The following RNF181 variants were observed in gnomAD, a reference collection of about 807,000 sequenced individuals.
The protein encoded by RNF181 is E3 ubiquitin-protein ligase RNF181.
In RNF181, 25 loss-of-function variants were observed where a neutral mutation model predicts 23.3. That is an observed-to-expected ratio of 1.07 (90% CI 0.78 to 1.50). RNF181 has a LOEUF of 1.50. Among genes scored for constraint, RNF181 ranks in the 40% most tolerant of loss-of-function variants. The pLI is 0.00. For synonymous variants in RNF181, 62 were observed against 70.9 expected, an observed-to-expected ratio of 0.87 and a Z score of 0.63; for missense variants, 167 against 191.1, an observed-to-expected ratio of 0.87 and a Z score of 0.74.
chr2:85,596,152 GT>G (rs990386574), intron 1 of RNF181, among the ~76,000 whole-genome samples: 1 of 152,004 alleles, frequency 6.6e-6, no homozygotes, highest in Non-Finnish European at 1.5e-5. Context: ...TGGGGGCGGG[GT>G]TGGGGCCGTG....
Position 85,595,772 on chromosome 2 carries a change from C to T in RNF181, c.9C>T (p.Ser3=), listed in dbSNP as rs745317948. 3 of 1,613,838 alleles carry T rather than the reference C, an allele frequency of 1.9e-6. No homozygotes were observed. The highest frequency in any genetic ancestry group is 2.5e-6 in the Non-Finnish European group (3 of 1,179,950). MA[S]YFDEHDCEPS... is the part of the protein sequence containing the mutation. ...CAGAAGGCTGGGCAGCCATGGCGTC[C>T]TATTTCGATGAACACGACTGCGAGC... Residue 3 remains serine (S), a synonymous_variant, in exon 1 of 5, where the codon TCC becomes TCT. Coordinates refer to ENST00000306368, the MANE Select transcript of RNF181 (RefSeq NM_016494.4).
intron 3 of RNF181, 75 bp from the exon 4 acceptor site, chr2:85,597,029 G>A (rs1672688464): frequency 6.2e-7 from 1 of 1,614,002 alleles, no homozygotes; most frequent in Admixed American, 1.7e-5. Flanking sequence ...AAGAGTGGCA[G>A]TTGGGAGCAG....
intron 4 of RNF181, 65 bp downstream of exon 4, chr2:85,597,243 C>A: frequency 6.9e-7 from 1 of 1,449,826 alleles, no homozygotes; most frequent in Non-Finnish European, 9.5e-7. Flanking sequence ...CCGCTGCCAT[C>A]ACTTCCCACC....
chr2:85,597,503 G>T lies in RNF181; in HGVS notation c.461G>T (p.Ter154LeuextTer5). Reference protein sequence around the residue: ...LENLHGAMYT* With the variant: ...LENLHGAMYTL ...AACCTCCATGGAGCCATGTACACGTGAGGAGGTTGGGGCTGAGTGCTGGCC... is the reference window on the plus strand; with the variant it reads ...AACCTCCATGGAGCCATGTACACGTTAGGAGGTTGGGGCTGAGTGCTGGCC... Residue 154 changes from the stop codon to leucine (L), a stop_lost, in exon 5 of 5, where the codon TGA becomes TTA. Transcript: ENST00000306368. 6.2e-7 allele frequency: 1 copy of T among 1,613,726 alleles called. No individual in the cohort carries two copies. The highest frequency in any genetic ancestry group is 8.5e-7 in the Non-Finnish European group (1 of 1,179,890).
chr2:85,597,244 A>G, intron 4 of RNF181, 66 bp downstream of exon 4: 2 of 1,453,464 alleles, frequency 1.4e-6, no homozygotes, highest in Admixed American at 3.7e-5. Flanking sequence ...CGCTGCCATC[A>G]CTTCCCACCT....
intron 4 of RNF181, 93 bp from the exon 5 acceptor site, chr2:85,597,352 C>A: frequency 6.7e-7 from 1 of 1,493,568 alleles, no homozygotes; most frequent in Non-Finnish European, 9.0e-7. Context: ...CGCCAGAGGC[C>A]TGAAAACAGA....
At chr2:85,596,064 A>G (rs1672666886) in intron 1 of RNF181, among the ~76,000 whole-genome samples, 1 of 151,944 alleles carries the variant, frequency 6.6e-6, no homozygotes, top group Non-Finnish European at 1.5e-5. Context: ...GGATTGCGGG[A>G]AAGATTGGAG....
chr2:85,596,389 A>G, intron 1 of RNF181, 130 bp from the exon 2 acceptor site: 1 of 901,222 alleles, frequency 1.1e-6, no homozygotes. Flanking sequence ...TCTAGTGAGC[A>G]TCTACTAACT....
At chr2:85,596,751 T>G (rs1431112400) in intron 2 of RNF181, 71 bp from the exon 3 acceptor site, 1 of 1,609,522 alleles carries the variant, frequency 6.2e-7, no homozygotes, top group East Asian at 2.2e-5. Flanking sequence ...TGGGGGCAAG[T>G]GTCCTTCAGG....
chr2:85,596,192 C>T (rs1169138073), intron 1 of RNF181, among the ~76,000 whole-genome samples: 1 of 152,086 alleles, frequency 6.6e-6, no homozygotes, highest in Non-Finnish European at 1.5e-5. Context: ...TCATCAGTAA[C>T]AGCAGGCACT....
intron 3 of RNF181, 39 bp from the exon 4 acceptor site, chr2:85,597,065 G>C (rs747001756): frequency 1.2e-6 from 2 of 1,614,196 alleles, no homozygotes; most frequent in South Asian, 2.2e-5. Flanking sequence ...AGCTTATGAA[G>C]ATCAGACCAA....
chr2:85,596,232 T>A (rs889142630), intron 1 of RNF181, among the ~76,000 whole-genome samples: 1 of 152,012 alleles, frequency 6.6e-6, no homozygotes, highest in Admixed American at 6.5e-5. Flanking sequence ...TCTGGCTTGG[T>A]CTTGGAATCT....
chr2:85,596,351 T>G (rs1252091321), intron 1 of RNF181, among the ~76,000 whole-genome samples, 168 bp from the exon 2 acceptor site: 7 of 148,688 alleles, frequency 4.7e-5, no homozygotes, highest in African/African-American at 1.7e-4. Flanking sequence ...TGATAGCAGT[T>G]GTAAACTATT....
Position 85,596,549 on chromosome 2 carries a change from C to T in RNF181, c.117C>T (p.Asp39=), listed in dbSNP as rs187615860. The T allele has an allele frequency of 1.2e-6, 2 of 1,613,234 alleles. No homozygotes were observed. Among genetic ancestry groups the T allele is most frequent in the African/African-American group, 2.7e-5 (2 of 74,988 alleles). Residue 39 remains aspartate (D), a synonymous_variant, in exon 2 of 5, where the codon GAC becomes GAT. Coordinates refer to ENST00000306368, the MANE Select transcript of RNF181 (RefSeq NM_016494.4). ...TTTTCAATAGGATGGACTTTGAAGA[C>T]TTGGGGTTGGTAGTAGATTGGGACC... The part of the protein sequence containing the change: ...RSLFNRMDFE[D]LGLVVDWDHH...
intron 1 of RNF181, 98 bp downstream of exon 1, chr2:85,595,947 A>G (rs898356591): frequency 1.0e-6 from 1 of 986,600 alleles, no homozygotes; most frequent in East Asian, 2.6e-5. Context: ...GATTCTGGGG[A>G]GGACAGATGA....
rs775345617 is a variant in RNF181 at position 85,597,500 on chromosome 2, C to T, written c.458C>T (p.Thr153Met). ...RLENLHGAMY[T>M] ...GAGAACCTCCATGGAGCCATGTACA[C>T]GTGAGGAGGTTGGGGCTGAGTGCTG... The change falls in exon 5 of 5, where the codon ACG (threonine) becomes ATG (methionine). Residue 153 changes from threonine to methionine, a missense_variant. Transcript: ENST00000306368. The T allele has an allele frequency of 8.1e-6, 13 of 1,613,488 alleles. No homozygotes were observed. The Admixed American group carries it at 8.4e-5, about 10-fold the overall frequency.
intron 1 of RNF181, 45 bp from the exon 2 acceptor site, chr2:85,596,474 A>G (rs766560027): frequency 2.0e-5 from 31 of 1,546,416 alleles, no homozygotes; most frequent in Middle Eastern, 4.6e-4. Flanking sequence ...GGACAAAGAA[A>G]AAGCATAGTT....
rs1372605989 is a variant in RNF181 at position 85,597,704 on chromosome 2, TG to T, written c.*202del. ...ACCAGGCTGCGGTTTTCCTCCCTGCTGGCCCATCTGGACTCATGGCAGTGGT... is the reference window on the plus strand; with the variant it reads ...ACCAGGCTGCGGTTTTCCTCCCTGCTGCCCATCTGGACTCATGGCAGTGGT... On this transcript the variant is annotated 3_prime_UTR_variant, in exon 5 of 5. Coordinates refer to ENST00000306368, the MANE Select transcript of RNF181 (RefSeq NM_016494.4). 5.1e-6 allele frequency: 5 copies of T among 972,820 alleles called. No homozygotes were observed. Among genetic ancestry groups the T allele is most frequent in the Non-Finnish European group, 7.2e-6 (5 of 690,002 alleles). 60.3% of individuals were successfully genotyped at this position (972,820 alleles called of 1,614,324 possible).
intron 1 of RNF181, 114 bp downstream of exon 1, chr2:85,595,963 C>A: frequency 1.1e-6 from 1 of 900,538 alleles, no homozygotes; most frequent in Non-Finnish European, 1.8e-6. Flanking sequence ...GATGAGTAAT[C>A]TGGAGTGTTA....
Sources: allele counts gnomAD v4.1 joint callset (sites outside exome capture counted in the v4.1 genomes callset), GRCh38; gene constraint gnomAD v4.1.1; transcripts MANE v1.5; gene names NCBI Gene and HGNC (gene_info 2026-07-23, HGNC 2026-07-21).